The following COL22A1 variants were observed in gnomAD, a reference collection of about 807,000 sequenced individuals.
COL22A1 encodes the protein collagen alpha-1(XXII) chain.
COL22A1 carries 221 observed loss-of-function variants against 248.9 expected under a neutral mutation model. The ratio of observed to expected loss-of-function variants is 0.89; its 90% CI spans 0.80 to 0.99. COL22A1 has a LOEUF of 0.99. Among genes scored for constraint, COL22A1 ranks in the 50% least tolerant of loss-of-function variants. COL22A1 has a pLI of 0.00. For synonymous variants in COL22A1, 891 were observed against 793.4 expected (o/e 1.12, Z -2.07); for missense variants, 2,240 against 2,179.0 (o/e 1.03, Z -0.56).
At chr8:138,673,209 C>CT (rs1554742582) in intron 41 of COL22A1, among the ~76,000 whole-genome samples, 3 of 108,370 alleles carry the variant, frequency 2.8e-5, no homozygotes, top group South Asian at 3.4e-4. Context: ...TACAGCCGAT[C>CT]TATTTTTTTT....
intron 16 of COL22A1, 81 bp from the exon 17 acceptor site, chr8:138,762,547 T>C: frequency 1.5e-6 from 2 of 1,360,406 alleles, no homozygotes; most frequent in East Asian, 4.7e-5. Context: ...ACAGTGACCG[T>C]CATGGACAAG....
chr8:138,689,073 AC>A, intron 36 of COL22A1, 103 bp from the exon 37 acceptor site: 1 of 882,640 alleles, frequency 1.1e-6, no homozygotes, highest in Non-Finnish European at 1.9e-6. Flanking sequence ...CCTGAAGTCA[AC>A]GACTACAGCT....
chr8:138,852,994 G>GTA (rs138051780), intron 3 of COL22A1, among the ~76,000 whole-genome samples: 14,069 of 146,710 alleles, frequency 0.096, 776 homozygotes, highest in African/African-American at 0.15. Context: ...AAAAAAAAAA[G>GTA]TATATATATA....
chr8:138,826,984 G>A (rs563855070), intron 5 of COL22A1, among the ~76,000 whole-genome samples: 5 of 152,182 alleles, frequency 3.3e-5, no homozygotes, highest in Admixed American at 6.5e-5. Flanking sequence ...CATGACCCCC[G>A]AGGCTCCAAC....
intron 36 of COL22A1, among the ~76,000 whole-genome samples, chr8:138,689,646 C>T (rs1285967244): frequency 2.6e-5 from 4 of 152,062 alleles, no homozygotes; most frequent in South Asian, 2.1e-4. Context: ...ACCCAGGAGG[C>T]GGAGCTTGCA....
intron 14 of COL22A1, 27 bp from the exon 15 acceptor site, chr8:138,778,433 G>A (rs1814672933): frequency 3.2e-6 from 5 of 1,560,554 alleles, no homozygotes; most frequent in Middle Eastern, 3.5e-4. Flanking sequence ...ACAGAGTAAA[G>A]TTTCAGGGAT....
intron 3 of COL22A1, among the ~76,000 whole-genome samples, chr8:138,862,040 A>AAAAGAAAAG (rs1822515558): frequency 1.4e-5 from 2 of 147,044 alleles, no homozygotes; most frequent in African/African-American, 5.3e-5. Flanking sequence ...AAAAAAAAAA[A>AAAAGAAAAG]AAAAAAAGAA....
chr8:138,863,969 T>C (rs1353430856), intron 3 of COL22A1, among the ~76,000 whole-genome samples: 1 of 152,198 alleles, frequency 6.6e-6, no homozygotes, highest in Non-Finnish European at 1.5e-5. Flanking sequence ...AACTGTATTC[T>C]TTCAATTCCA....
At chr8:138,667,789 C>T (rs1296632920) in intron 41 of COL22A1, among the ~76,000 whole-genome samples, 1 of 152,126 alleles carries the variant, frequency 6.6e-6, no homozygotes, top group Non-Finnish European at 1.5e-5. Flanking sequence ...TTAGACATCA[C>T]AGGGTGAATG....
intron 31 of COL22A1, among the ~76,000 whole-genome samples, chr8:138,700,812 G>A (rs557936778): frequency 6.6e-6 from 1 of 152,158 alleles, no homozygotes; most frequent in South Asian, 2.1e-4. Flanking sequence ...GTGAAACCCA[G>A]TCTCTACTAA....
chr8:138,755,203 G>T lies in COL22A1; in HGVS notation c.1985C>A (p.Pro662Gln). ...GGCGCCTTGGTGACCTCTGGGTCCT[G>T]GAGCTCCCTGGTAACACAAGCCAAA... is the stretch of plus-strand genomic sequence containing the variant. ...QEGLKGEQGA[P>Q]GPRGHQGAPG... Residue 662 changes from proline to glutamine, a missense_variant, in exon 21 of 65, where the codon CCA becomes CAA. Coordinates refer to ENST00000303045, the MANE Select transcript of COL22A1 (RefSeq NM_152888.3). The T allele has an allele frequency of 6.2e-7, 1 of 1,614,072 alleles. No homozygotes were observed.
intron 3 of COL22A1, among the ~76,000 whole-genome samples, chr8:138,868,434 G>C (rs1051655272): frequency 2.0e-5 from 3 of 152,154 alleles, no homozygotes; most frequent in Non-Finnish European, 4.4e-5. Context: ...TGGTATTGCA[G>C]TTTCAGAGAA....
chr8:138,792,035 T>G (rs117162742), intron 12 of COL22A1, among the ~76,000 whole-genome samples: 2 of 152,212 alleles, frequency 1.3e-5, no homozygotes, highest in Non-Finnish European at 2.9e-5. Flanking sequence ...CTTGTTATTG[T>G]ATTTTCCCCC....
rs1816825557 is a variant in COL22A1 at position 138,589,196 on chromosome 8, G to A, written c.*57C>T. ...CTTTCAAGACCTCTGGCTTCCCACT[G>A]GGCTCTGAGTTCAAGTTTCAGAAAT... is the stretch of plus-strand genomic sequence containing the variant. On this transcript the variant is annotated 3_prime_UTR_variant, in exon 65 of 65. Coordinates refer to ENST00000303045, the MANE Select transcript of COL22A1 (RefSeq NM_152888.3). The A allele has an allele frequency of 3.9e-6, 6 of 1,544,760 alleles. No homozygotes were observed. In the Admixed American group the frequency reaches 1.1e-4, roughly 27 times the overall value.
chr8:138,694,676 C>A, intron 33 of COL22A1, 115 bp from the exon 34 acceptor site: 1 of 1,362,660 alleles, frequency 7.3e-7, no homozygotes, highest in Non-Finnish European at 1.0e-6. Flanking sequence ...GGGGACGTAG[C>A]TAGCGTCCTG....
intron 7 of COL22A1, among the ~76,000 whole-genome samples, chr8:138,813,644 TCG>T (rs1818436723): frequency 7.6e-5 from 4 of 52,960 alleles, no homozygotes; most frequent in Non-Finnish European, 1.9e-4. Context: ...GTCCAGCGTT[TCG>T]TTCTACACTG....
At chr8:138,856,657 A>G (rs1822042849) in intron 3 of COL22A1, among the ~76,000 whole-genome samples, 1 of 151,288 alleles carries the variant, frequency 6.6e-6, no homozygotes, top group Non-Finnish European at 1.5e-5. Flanking sequence ...AGACAGAGAC[A>G]CAGCAAGAGA....
chr8:138,748,479 C>T (rs949908496), intron 22 of COL22A1, among the ~76,000 whole-genome samples: 4 of 152,202 alleles, frequency 2.6e-5, no homozygotes, highest in Non-Finnish European at 4.4e-5. Flanking sequence ...GCCGCACGTG[C>T]GAATCCCTGA....
At position 138,834,912 on chromosome 8, in the gene COL22A1, G is replaced by A. The variant is rs377462754; in HGVS notation, c.734-1762C>T. On this transcript the variant is annotated intron_variant, in intron 4 of 64. Coordinates refer to ENST00000303045, the MANE Select transcript of COL22A1 (RefSeq NM_152888.3). ...GCACCAACACAAAATCCTGGCTCCA[G>A]GAGAACTGGAACTTGTGGGGACCCC... 2.0e-5 allele frequency among the ~76,000 whole-genome samples: 3 copies of A among 152,298 alleles called. No individual in the cohort carries two copies. The East Asian group carries it at 5.8e-4, about 29-fold the overall frequency.
Sources: allele counts gnomAD v4.1 joint callset (sites outside exome capture counted in the v4.1 genomes callset), GRCh38; gene constraint gnomAD v4.1.1; transcripts MANE v1.5; gene names NCBI Gene and HGNC (gene_info 2026-07-23, HGNC 2026-07-21).